The following CFAP46 variants were observed in gnomAD, a reference collection of about 807,000 sequenced individuals.
The protein encoded by CFAP46 is cilia and flagella associated protein 46, also known as cilia- and flagella-associated protein 46.
CFAP46 carries 245 observed loss-of-function variants against 325.7 expected under a neutral mutation model. The ratio of observed to expected loss-of-function variants is 0.75; its 90% CI spans 0.68 to 0.84. CFAP46 has a LOEUF of 0.84. Ranked by LOEUF, CFAP46 falls within the 40% of genes least tolerant of loss-of-function variation. The probability of loss-of-function intolerance (pLI) is 0.00; values close to 1 mark genes in which losing one functional copy is unlikely to be tolerated. For synonymous variants in CFAP46, 1,523 were observed against 1,495.9 expected (o/e 1.02, Z -0.42); for missense variants, 3,346 against 3,543.0 (o/e 0.94, Z 1.41).
At chr10:132,824,747 G>T (rs1591037246) in intron 50 of CFAP46, among the ~76,000 whole-genome samples, 1 of 107,104 alleles carries the variant, frequency 9.3e-6, no homozygotes, top group Non-Finnish European at 1.9e-5. Flanking sequence ...TGTGCTGTGT[G>T]CTGTGTGAGT....
intron 7 of CFAP46, 59 bp downstream of exon 7, chr10:132,936,902 T>C (rs1459989335): frequency 9.4e-6 from 10 of 1,066,020 alleles, no homozygotes; most frequent in Non-Finnish European, 1.3e-5. Context: ...GGGACAGAGC[T>C]CTCCCAAGCC....
At chr10:132,818,840 T>C (rs1457910922) in intron 50 of CFAP46, among the ~76,000 whole-genome samples, 1 of 142,384 alleles carries the variant, frequency 7.0e-6, no homozygotes, top group Non-Finnish European at 1.5e-5. Context: ...GGCAACAGAG[T>C]GAGACTCCAT....
chr10:132,919,463 C>A lies in CFAP46; in HGVS notation c.1731-21G>T, dbSNP rs777894569. The A allele has an allele frequency of 2.6e-6, 4 of 1,541,880 alleles. No individual in the cohort carries two copies. In the African/African-American group the frequency reaches 5.5e-5, roughly 21 times the overall value. On this transcript the variant is annotated intron_variant, in intron 14 of 57. Coordinates refer to ENST00000368586, the MANE Select transcript of CFAP46 (RefSeq NM_001200049.3). This position sits in a 1 kb window ranked among gnomAD's most constrained non-coding sequence, Gnocchi z 9.7. ...GTATCCTGCTCACCGAGAACCCAAA[C>A]GAGTGAAAGGTGAGTAGACAAGTGT...
rs547468418 is a variant in CFAP46 at position 132,898,800 on chromosome 10, G to A, written c.3219+159C>T. On this transcript the variant is annotated intron_variant, in intron 24 of 57. Coordinates refer to ENST00000368586, the MANE Select transcript of CFAP46 (RefSeq NM_001200049.3). ...AGGGGCCCCCGCAGTGCTGGGACTT[G>A]GAGACCCCCCTTAACCCCCTCCCCT... 1.6e-5 allele frequency: 16 copies of A among 990,412 alleles called. No homozygotes were observed. The African/African-American group carries it at 1.9e-4, about 12-fold the overall frequency. The allele number at this position is 990,412 out of a possible 1,614,324, so 61.4% of individuals were successfully genotyped here.
intron 39 of CFAP46, among the ~76,000 whole-genome samples, chr10:132,852,178 A>C (rs71503764): frequency 5.3e-4 from 65 of 122,188 alleles, no homozygotes; most frequent in Admixed American, 8.9e-4. Flanking sequence ...TTACTTAAGA[A>C]TTCTCAGATC....
At chr10:132,906,023 A>AGG (rs1849451327) in intron 22 of CFAP46, among the ~76,000 whole-genome samples, 1 of 152,370 alleles carries the variant, frequency 6.6e-6, no homozygotes, top group South Asian at 2.1e-4. Context: ...GATGCCAAAG[A>AGG]GGGGGGCCTG....
chr10:132,865,508 G>T (rs1319741176), intron 35 of CFAP46, among the ~76,000 whole-genome samples: 1 of 152,220 alleles, frequency 6.6e-6, no homozygotes, highest in African/African-American at 2.4e-5. Context: ...GCCCGCCGGG[G>T]AGACGGGGCC....
intron 35 of CFAP46, among the ~76,000 whole-genome samples, chr10:132,863,822 CCTGCCTGAG>C (rs1848760246): frequency 1.4e-5 from 2 of 141,828 alleles, no homozygotes; most frequent in Admixed American, 7.0e-5. Flanking sequence ...CACCTGTCCC[CCTGCCTGAG>C]ACCAGCACAC....
At chr10:132,911,969 C>T (rs932851237) in intron 19 of CFAP46, among the ~76,000 whole-genome samples, 1 of 152,034 alleles carries the variant, frequency 6.6e-6, no homozygotes, top group Non-Finnish European at 1.5e-5. Flanking sequence ...GTTTTACTTC[C>T]TAGATTGTTC....
At position 132,857,267 on chromosome 10, in the gene CFAP46, A is replaced by C. The variant is rs145819505; in HGVS notation, c.5574+323T>G. On this transcript the variant is annotated intron_variant, in intron 39 of 57. Coordinates refer to ENST00000368586, the MANE Select transcript of CFAP46 (RefSeq NM_001200049.3). ...CCTCCCCTCCCTGGGGCTCTGTCCC[A>C]TGAGTGGCAGTGCCTGGCTCTCCCC... is the stretch of plus-strand genomic sequence containing the variant. Among the ~76,000 whole-genome samples the C allele has an allele frequency of 5.7e-3, 872 of 152,196 alleles. 6 individuals are homozygous for C. The highest frequency in any genetic ancestry group is 9.5e-3 in the Non-Finnish European group (643 of 68,000).
intron 28 of CFAP46, among the ~76,000 whole-genome samples, chr10:132,880,361 T>C (rs901678530): frequency 1.3e-5 from 2 of 152,182 alleles, no homozygotes; most frequent in Admixed American, 1.3e-4. Flanking sequence ...CCCACTTTCC[T>C]GCACTGCTGT....
chr10:132,903,102 T>C (rs1035348563), intron 22 of CFAP46, among the ~76,000 whole-genome samples: 8 of 149,310 alleles, frequency 5.4e-5, no homozygotes, highest in African/African-American at 2.0e-4. Context: ...TACGCCCCAA[T>C]GTGAGCTGGC....
chr10:132,815,017 GAAAA>G (rs368225406), intron 50 of CFAP46, 103 bp from the exon 51 acceptor site: 1 of 866,498 alleles, frequency 1.2e-6, no homozygotes, highest in African/African-American at 1.8e-5. Flanking sequence ...TCACTTAAAT[GAAAA>G]AAAAAACAAG....
chr10:132,892,974 C>T (rs1345357522), intron 24 of CFAP46, among the ~76,000 whole-genome samples: 1 of 152,184 alleles, frequency 6.6e-6, no homozygotes, highest in African/African-American at 2.4e-5. Context: ...AAAATAATAA[C>T]TGGTCTCAGC....
At chr10:132,810,840 C>T (rs529421627) in intron 56 of CFAP46, 110 bp downstream of exon 56, 20 of 995,686 alleles carry the variant, frequency 2.0e-5, no homozygotes, top group South Asian at 2.8e-5. Context: ...CAGCTCTCAC[C>T]GTTCTTGAAA....
intron 5 of CFAP46, 50 bp from the exon 6 acceptor site, chr10:132,937,725 C>T (rs370110411): frequency 6.4e-4 from 992 of 1,556,178 alleles, no homozygotes; most frequent in Non-Finnish European, 7.9e-4. Flanking sequence ...ACTGTTTTCT[C>T]CTATCTAATA....
intron 19 of CFAP46, among the ~76,000 whole-genome samples, chr10:132,912,012 C>A (rs1849547061): frequency 6.6e-6 from 1 of 152,040 alleles, no homozygotes; most frequent in Non-Finnish European, 1.5e-5. Flanking sequence ...AGGCAGTTTG[C>A]TCTCCCAGGG....
chr10:132,914,130 C>T (rs74341550), intron 17 of CFAP46, among the ~76,000 whole-genome samples: 1 of 31,062 alleles, frequency 3.2e-5, no homozygotes, highest in African/African-American at 2.3e-4. Flanking sequence ...CACCCCGCCC[C>T]GAGGCTGTGT....
At chr10:132,926,743 C>A in intron 9 of CFAP46, 77 bp from the exon 10 acceptor site, 1 of 1,066,592 alleles carries the variant, frequency 9.4e-7, no homozygotes, top group Non-Finnish European at 1.4e-6. Context: ...AATTCAAAGG[C>A]ATTTAAAATA....
Sources: gnomAD v4.1 joint callset for allele counts (sites outside exome capture counted in the v4.1 genomes callset) on GRCh38, gnomAD v4.1.1 for gene constraint, Gnocchi (gnomAD v3.1) non-coding constraint, MANE v1.5 for transcripts, NCBI Gene and HGNC (gene_info 2026-07-23, HGNC 2026-07-21) for gene names.